ANTXR2: variants seen among roughly 807,000 people sequenced by gnomAD.
ANTXR2 encodes anthrax toxin receptor 2.
In ANTXR2, 44 loss-of-function variants were observed where a neutral mutation model predicts 73.7. The observed-to-expected ratio is 0.60, with a 90% CI of 0.47 to 0.77. ANTXR2 has a LOEUF of 0.77. Ranked by LOEUF, ANTXR2 falls within the 30% of genes least tolerant of loss-of-function variation. The pLI is 0.00. For synonymous variants in ANTXR2, 217 were observed against 205.9 expected (o/e 1.05, Z -0.46); for missense variants, 604 against 592.5 (o/e 1.02, Z -0.20).
intron 11 of ANTXR2, among the ~76,000 whole-genome samples, chr4:80,014,092 C>T (rs1234811197): frequency 4.6e-5 from 7 of 152,130 alleles, no homozygotes; most frequent in Non-Finnish European, 7.4e-5. Flanking sequence ...CTTCCTTTGT[C>T]TTCTTCACTC....
At position 79,984,829 on chromosome 4, in the gene ANTXR2, G is replaced by A; in HGVS notation, c.1076C>T (p.Ala359Val). 6.2e-7 allele frequency: 1 copy of A among 1,608,678 alleles called. No homozygotes were observed. Among genetic ancestry groups the A allele is most frequent in the Non-Finnish European group, 8.5e-7 (1 of 1,177,114 alleles). ...IKDPPPPPAP[A>V]PKEEEEEPLP... ...TAGGCACTCACTTACCTCTTTTGGTGCAGGGGCGGGTGGTGGTGGAGGATC... is the reference window on the plus strand; with the variant it reads ...TAGGCACTCACTTACCTCTTTTGGTACAGGGGCGGGTGGTGGTGGAGGATC... The change falls in exon 13 of 17, where the codon GCA (alanine) becomes GTA (valine). Residue 359 changes from alanine (A) to valine (V), a missense_variant. Coordinates refer to ENST00000403729, the MANE Select transcript of ANTXR2 (RefSeq NM_058172.6).
intron 7 of ANTXR2, among the ~76,000 whole-genome samples, chr4:80,050,968 C>T (rs1029715039): frequency 1.1e-4 from 17 of 151,764 alleles, no homozygotes; most frequent in Admixed American, 3.3e-4. Flanking sequence ...CGCTACCCGT[C>T]AATGTTTATC....
intron 10 of ANTXR2, among the ~76,000 whole-genome samples, chr4:80,028,640 A>G (rs1732547736): frequency 6.6e-6 from 1 of 152,144 alleles, no homozygotes; most frequent in East Asian, 1.9e-4. Context: ...CACACAGGAA[A>G]AACCTTCATT....
At chr4:79,962,985 A>T (rs773730086) in intron 16 of ANTXR2, among the ~76,000 whole-genome samples, 1 of 152,164 alleles carries the variant, frequency 6.6e-6, no homozygotes, top group African/African-American at 2.4e-5. Flanking sequence ...TCCAATCTGC[A>T]CTGAAAGACC....
At chr4:80,013,568 G>T (rs1731698823) in intron 11 of ANTXR2, among the ~76,000 whole-genome samples, 1 of 152,198 alleles carries the variant, frequency 6.6e-6, no homozygotes, top group African/African-American at 2.4e-5. Context: ...CAAGTAAAAA[G>T]CATTATCCTC....
At chr4:80,070,664 TGAA>T (rs1185666785) in intron 2 of ANTXR2, among the ~76,000 whole-genome samples, 2 of 152,190 alleles carry the variant, frequency 1.3e-5, no homozygotes, top group Non-Finnish European at 2.9e-5. Flanking sequence ...TGCCAATAAC[TGAA>T]AGCAAGGATT....
chr4:79,983,875 A>G lies in ANTXR2; in HGVS notation c.1179+3T>C, dbSNP rs199610196. On this transcript the variant is annotated splice_donor_region_variant and intron_variant, in intron 14 of 16. Coordinates refer to ENST00000403729, the MANE Select transcript of ANTXR2 (RefSeq NM_058172.6). The stretch of plus-strand genomic sequence containing the variant: ...AGCTTCTATTTTTTTTTAAGATACC[A>G]ACCTCCATTCTTTTAATTCCTCCAA... 2.0e-4 allele frequency: 320 copies of G among 1,608,586 alleles called. 3 individuals are homozygous for G. In the East Asian group the frequency reaches 6.1e-3, roughly 31 times the overall value.
intron 7 of ANTXR2, among the ~76,000 whole-genome samples, chr4:80,049,726 C>A (rs1279438327): frequency 2.6e-5 from 4 of 151,674 alleles, no homozygotes; most frequent in African/African-American, 9.7e-5. Flanking sequence ...GGACAGAATG[C>A]CCAAGTTACT....
chr4:79,986,775 C>T (rs749597822), intron 12 of ANTXR2, among the ~76,000 whole-genome samples: 3 of 152,130 alleles, frequency 2.0e-5, no homozygotes, highest in East Asian at 1.9e-4. Flanking sequence ...TCTGGGAACA[C>T]CCCAGTCCTT....
chr4:80,002,814 T>C (rs1199470188), intron 12 of ANTXR2, among the ~76,000 whole-genome samples: 1 of 151,406 alleles, frequency 6.6e-6, no homozygotes, highest in African/African-American at 2.4e-5. Flanking sequence ...GAAAAAATGC[T>C]CACCATCACT....
intron 12 of ANTXR2, among the ~76,000 whole-genome samples, chr4:80,006,754 T>C (rs1731321725): frequency 6.6e-6 from 1 of 152,136 alleles, no homozygotes; most frequent in African/African-American, 2.4e-5. Flanking sequence ...AACCCATATT[T>C]GAGCACATTT....
intron 14 of ANTXR2, among the ~76,000 whole-genome samples, chr4:79,980,068 A>C (rs1729819712): frequency 6.6e-6 from 1 of 152,200 alleles, no homozygotes; most frequent in Non-Finnish European, 1.5e-5. Context: ...CAGATTAAAA[A>C]AATATATATA....
At chr4:80,031,097 G>C (rs1449098923) in intron 10 of ANTXR2, among the ~76,000 whole-genome samples, 3 of 151,988 alleles carry the variant, frequency 2.0e-5, no homozygotes, top group Admixed American at 2.0e-4. Flanking sequence ...TGAAAAGATA[G>C]ACCTTAACAG....
At chr4:80,047,751 G>A (rs980784570) in intron 7 of ANTXR2, among the ~76,000 whole-genome samples, 2 of 151,652 alleles carry the variant, frequency 1.3e-5, no homozygotes, top group African/African-American at 4.8e-5. Context: ...TCTAAACAAG[G>A]AATGAGGCAA....
In ANTXR2 at chr4:79,904,736, T is replaced by TA; in HGVS notation, c.*2692dup. On this transcript the variant is annotated 3_prime_UTR_variant, in exon 17 of 17. Transcript: ENST00000403729. Reference sequence around the variant, plus strand: ...ACACGAATGGATTATGTGCAAGACTTATTCATTTTTACACAGAAAGTAGAT... The same window carrying TA: ...ACACGAATGGATTATGTGCAAGACTTAATTCATTTTTACACAGAAAGTAGAT... The TA allele has an allele frequency of 6.6e-6, 1 of 152,292 alleles. No individual in the cohort carries two copies. Among genetic ancestry groups the TA allele is most frequent in the East Asian group, 1.9e-4 (1 of 5,184 alleles). The allele number at this position is 152,292 out of a possible 1,614,324, so 9.4% of individuals were successfully genotyped here. A position where few individuals can be genotyped will look rare whatever the true frequency, so the allele number is the denominator to read the frequency against.
chr4:80,065,848 G>A (rs1734471183), intron 3 of ANTXR2, among the ~76,000 whole-genome samples: 2 of 152,146 alleles, frequency 1.3e-5, no homozygotes, highest in African/African-American at 4.8e-5. Flanking sequence ...AACCTGCAGT[G>A]CTTAACCTTT....
At chr4:79,944,923 A>T (rs1728462057) in intron 16 of ANTXR2, among the ~76,000 whole-genome samples, 1 of 152,186 alleles carries the variant, frequency 6.6e-6, no homozygotes, top group South Asian at 2.1e-4. Context: ...GCCTAACAAC[A>T]CTTCAATTTT....
At chr4:79,943,767 CT>C (rs1728409335) in intron 16 of ANTXR2, among the ~76,000 whole-genome samples, 1 of 150,348 alleles carries the variant, frequency 6.7e-6, no homozygotes, top group Non-Finnish European at 1.5e-5. Context: ...ATAAAACCCC[CT>C]AAGAATACTA....
intron 16 of ANTXR2, among the ~76,000 whole-genome samples, chr4:79,962,387 A>G (rs1729180189): frequency 6.6e-6 from 1 of 151,638 alleles, no homozygotes; most frequent in African/African-American, 2.4e-5. Context: ...ATATGTATAA[A>G]CTGAAGTTAA....
Sources: gnomAD v4.1 joint callset for allele counts (sites outside exome capture counted in the v4.1 genomes callset) on GRCh38, gnomAD v4.1.1 for gene constraint, MANE v1.5 for transcripts, NCBI Gene and HGNC (gene_info 2026-07-23, HGNC 2026-07-21) for gene names.